The following LRRC4B variants were observed in gnomAD, a reference collection of about 807,000 sequenced individuals.
The protein encoded by LRRC4B is leucine-rich repeat-containing protein 4B.
LRRC4B carries 1 observed loss-of-function variant against 7.3 expected under a neutral mutation model. That is an observed-to-expected ratio of 0.14 (90% confidence interval 0.05 to 0.65). The LOEUF (loss-of-function observed/expected upper bound fraction) is 0.65, where lower values mean the gene tolerates loss of function less well. Ranked by LOEUF, LRRC4B falls within the 30% of genes least tolerant of loss-of-function variation. LRRC4B has a pLI of 0.84. For missense variants in LRRC4B, 730 were observed against 1,041.6 expected (o/e 0.70, Z 4.12); for synonymous variants, 500 against 499.2 (o/e 1.00, Z -0.02).
At chr19:50,558,442 C>A (rs1982355515) in intron 1 of LRRC4B, among the ~76,000 whole-genome samples, 1 of 152,152 alleles carries the variant, frequency 6.6e-6, no homozygotes, top group African/African-American at 2.4e-5. Context: ...GTTGCCCAGG[C>A]TGGTCTCAAA....
At chr19:50,564,861 A>AG (rs1259369523) in intron 1 of LRRC4B, among the ~76,000 whole-genome samples, 3 of 111,454 alleles carry the variant, frequency 2.7e-5, no homozygotes, top group Non-Finnish European at 5.7e-5. Flanking sequence ...GAAGGGACTG[A>AG]GGATTCAGCG....
chr19:50,546,177 A>G (rs1981796430), intron 2 of LRRC4B, among the ~76,000 whole-genome samples: 4 of 151,986 alleles, frequency 2.6e-5, no homozygotes. Flanking sequence ...TCTACTAAAA[A>G]TATAAAAATT....
intron 1 of LRRC4B, among the ~76,000 whole-genome samples, chr19:50,567,678 A>AC (rs899041283): frequency 1.3e-4 from 12 of 92,672 alleles, no homozygotes; most frequent in African/African-American, 5.2e-4. Flanking sequence ...CGCCGGACGC[A>AC]CCCCCCACAA....
intron 2 of LRRC4B, among the ~76,000 whole-genome samples, chr19:50,520,862 C>T (rs1980546989): frequency 6.6e-6 from 1 of 152,150 alleles, no homozygotes; most frequent in Non-Finnish European, 1.5e-5. Flanking sequence ...CTGGAGTGGC[C>T]ATCCGACCCG....
chr19:50,529,116 C>A (rs2122810957), intron 2 of LRRC4B, among the ~76,000 whole-genome samples: 1 of 152,240 alleles, frequency 6.6e-6, no homozygotes, highest in East Asian at 1.9e-4. Context: ...GGGGAAGAAC[C>A]CAACCTGGAG....
rs545983465 is a variant in LRRC4B, at chr19:50,520,325, C to T, written c.298-910G>A. 4.2e-5 allele frequency among the ~76,000 whole-genome samples: 6 copies of T among 143,470 alleles called. No individual in the cohort carries two copies. In the Admixed American group the frequency reaches 4.2e-4, roughly 10 times the overall value. The allele number at this position is 143,470 out of a possible 152,430, so 94.1% of individuals were successfully genotyped here. On this transcript the variant is annotated intron_variant, in intron 2 of 2. Coordinates refer to ENST00000652263, the MANE Select transcript of LRRC4B (RefSeq NM_001080457.2). ...AAGATAGTTACTTAGAAAGTTAAAA[C>T]TGGAGTCAAGAATTTTGGGGACGGC...
chr19:50,525,456 A>T (rs1599762161), intron 2 of LRRC4B, among the ~76,000 whole-genome samples: 1 of 144,796 alleles, frequency 6.9e-6, no homozygotes, highest in Admixed American at 7.1e-5. Flanking sequence ...CCTAGGCTGG[A>T]GTGCAATGGC....
In LRRC4B at chr19:50,519,053, C is replaced by G; in HGVS notation, c.660G>C (p.Lys220Asn). Residue 220 changes from lysine to asparagine, a missense_variant, in exon 3 of 3, where the codon AAG (lysine) becomes AAC (asparagine). This residue lies in a region of LRRC4B where 226 missense variants were observed against 448.0 expected (regional missense o/e 0.50). Coordinates refer to ENST00000652263, the MANE Select transcript of LRRC4B (RefSeq NM_001080457.2). This position sits in a 1 kb window ranked among gnomAD's most constrained non-coding sequence, Gnocchi z 8.1. ...CCAGGGCCGTCAGGTTGGGGATGTCCTTGAGGTTGCACATGCCCAGGTTGA... is the reference window on the plus strand; with the variant it reads ...CCAGGGCCGTCAGGTTGGGGATGTCGTTGAGGTTGCACATGCCCAGGTTGA... ...RYLNLGMCNL[K>N]DIPNLTALVR... 1.2e-6 allele frequency: 2 copies of G among 1,609,850 alleles called. No homozygotes were observed. The highest frequency in any genetic ancestry group is 1.7e-6 in the Non-Finnish European group (2 of 1,179,888).
chr19:50,551,423 T>C (rs1469468797), intron 1 of LRRC4B, among the ~76,000 whole-genome samples: 1 of 140,340 alleles, frequency 7.1e-6, no homozygotes, highest in East Asian at 2.2e-4. Context: ...TCTGCTCCCC[T>C]CCCCGCTCGC....
chr19:50,528,219 T>G (rs1285246843), intron 2 of LRRC4B, among the ~76,000 whole-genome samples: 1 of 151,982 alleles, frequency 6.6e-6, no homozygotes, highest in East Asian at 1.9e-4. Context: ...AGTTTAAAAT[T>G]TTGTAGAGAT....
chr19:50,522,616 ACAGGCACG>A (rs1980633416), intron 2 of LRRC4B, among the ~76,000 whole-genome samples: 4 of 152,098 alleles, frequency 2.6e-5, no homozygotes. Flanking sequence ...AGCTGGGATT[ACAGGCACG>A]CATCAACACG....
intron 1 of LRRC4B, among the ~76,000 whole-genome samples, chr19:50,554,284 C>T (rs767997244): frequency 2.2e-4 from 33 of 152,056 alleles, no homozygotes; most frequent in Non-Finnish European, 3.7e-4. Flanking sequence ...TGTGGGCCAC[C>T]GTACCTGGCC....
chr19:50,519,961 G>A lies in LRRC4B; in HGVS notation c.298-546C>T, dbSNP rs1461146699. ...TGTAATCCCAGCACTTTGGGAGGCT[G>A]AGGTGGGCAGATCACTTGAACCCAG... On this transcript the variant is annotated intron_variant, in intron 2 of 2. Coordinates refer to ENST00000652263, the MANE Select transcript of LRRC4B (RefSeq NM_001080457.2). This position sits in a 1 kb window ranked among gnomAD's most constrained non-coding sequence, Gnocchi z 8.1. Among the ~76,000 whole-genome samples, 3 of 151,946 alleles carry A rather than the reference G, an allele frequency of 2.0e-5. No individual in the cohort carries two copies. The highest frequency in any genetic ancestry group is 7.3e-5 in the African/African-American group (3 of 41,378).
At chr19:50,534,758 A>G (rs1981191138) in intron 2 of LRRC4B, among the ~76,000 whole-genome samples, 1 of 152,178 alleles carries the variant, frequency 6.6e-6, no homozygotes, top group African/African-American at 2.4e-5. Context: ...TCCCACTGAG[A>G]TCTGTTGGGG....
intron 1 of LRRC4B, among the ~76,000 whole-genome samples, chr19:50,551,947 G>T (rs899839484): frequency 8.3e-5 from 12 of 144,922 alleles, no homozygotes; most frequent in African/African-American, 2.8e-4. Context: ...TCCCTGCGCC[G>T]CCTGGGGGAG....
intron 2 of LRRC4B, among the ~76,000 whole-genome samples, chr19:50,545,141 C>T (rs550633196): frequency 1.1e-4 from 16 of 149,434 alleles, no homozygotes; most frequent in African/African-American, 3.9e-4. Flanking sequence ...GGCTTGGTGG[C>T]TCACGCCTGT....
intron 2 of LRRC4B, among the ~76,000 whole-genome samples, chr19:50,528,485 C>T (rs532211243): frequency 1.3e-5 from 2 of 152,270 alleles, no homozygotes; most frequent in South Asian, 2.1e-4. Flanking sequence ...GCTGGGATTA[C>T]AGGTGTGCAC....
intron 2 of LRRC4B, among the ~76,000 whole-genome samples, chr19:50,533,676 G>A (rs747821604): frequency 6.6e-6 from 1 of 152,188 alleles, no homozygotes; most frequent in Admixed American, 6.6e-5. Flanking sequence ...AAGGTAAAAG[G>A]GGGGGAATCA....
intron 2 of LRRC4B, among the ~76,000 whole-genome samples, chr19:50,540,294 G>A (rs1006978941): frequency 6.6e-5 from 10 of 152,122 alleles, no homozygotes; most frequent in African/African-American, 1.2e-4. Flanking sequence ...GCAGGCGAGC[G>A]AGCATTACTG....
Sources: gnomAD v4.1 joint callset for allele counts (sites outside exome capture counted in the v4.1 genomes callset) on GRCh38, gnomAD v4.1.1 for gene constraint, gnomAD v4.1.1 regional missense constraint, Gnocchi (gnomAD v3.1) non-coding constraint, MANE v1.5 for transcripts, NCBI Gene and HGNC (gene_info 2026-07-23, HGNC 2026-07-21) for gene names.